Variants in PIP4K2A observed in about 807,000 individuals in gnomAD.
PIP4K2A encodes phosphatidylinositol-5-phosphate 4-kinase type 2 alpha, also known as phosphatidylinositol 5-phosphate 4-kinase type-2 alpha.
A neutral mutation model predicts 42.9 loss-of-function variants in PIP4K2A; 14 were observed. That is an observed-to-expected ratio of 0.33 (90% CI 0.22 to 0.51). PIP4K2A has a LOEUF of 0.51. Ranked by LOEUF, PIP4K2A falls within the 20% of genes least tolerant of loss-of-function variation. The pLI, the probability that PIP4K2A is intolerant of heterozygous loss-of-function variation, is 0.97. For synonymous variants in PIP4K2A, 192 were observed against 192.2 expected, an observed-to-expected ratio of 1.00 and a Z score of 0.01; for missense variants, 434 against 519.8, an observed-to-expected ratio of 0.83 and a Z score of 1.61.
At chr10:22,627,588 T>TAAAAAAA (rs1564448260) in intron 1 of PIP4K2A, among the ~76,000 whole-genome samples, 8 of 38,950 alleles carry the variant, frequency 2.1e-4, no homozygotes, top group Admixed American at 8.6e-4. Context: ...AGCTAATATG[T>TAAAAAAA]AATAAAAAAA....
At chr10:22,625,214 A>C (rs942712629) in intron 1 of PIP4K2A, among the ~76,000 whole-genome samples, 1 of 152,260 alleles carries the variant, frequency 6.6e-6, no homozygotes, top group East Asian at 1.9e-4. Flanking sequence ...TGACAATCAA[A>C]ATATGCTAAA....
intron 4 of PIP4K2A, among the ~76,000 whole-genome samples, chr10:22,583,677 C>T (rs928307316): frequency 5.9e-5 from 9 of 152,156 alleles, no homozygotes; most frequent in Admixed American, 1.3e-4. Flanking sequence ...AAAGAGCTTC[C>T]GTAAATTAGG....
chr10:22,655,619 G>T (rs1411436878), intron 1 of PIP4K2A, among the ~76,000 whole-genome samples: 1 of 152,152 alleles, frequency 6.6e-6, no homozygotes, highest in Non-Finnish European at 1.5e-5. Flanking sequence ...AACTCATCCT[G>T]TAAACAATTC....
intron 1 of PIP4K2A, among the ~76,000 whole-genome samples, chr10:22,640,558 G>A (rs2130790825): frequency 6.6e-6 from 1 of 152,316 alleles, no homozygotes; most frequent in African/African-American, 2.4e-5. Context: ...CTGATGCTGT[G>A]TAGCAGGGTG....
Position 22,609,597 on chromosome 10 carries a change from T to A in PIP4K2A, c.242+23A>T, listed in dbSNP as rs200577568. 639 of 1,339,148 alleles carry A rather than the reference T, an allele frequency of 4.8e-4. 2 individuals carry two copies. The highest frequency in any genetic ancestry group is 2.5e-3 in the Middle Eastern group (12 of 4,726). The allele number at this position is 1,339,148 out of a possible 1,614,324, so 83.0% of individuals were successfully genotyped here. A position where few individuals can be genotyped will look rare whatever the true frequency, so the allele number is the denominator to read the frequency against. On this transcript the variant is annotated intron_variant, in intron 2 of 9. Transcript: ENST00000376573. ...ACTCCTAGCAGCCACGCTAGTCTTA[T>A]GAAAGGTCATACTTGTACTTACTTG...
chr10:22,584,607 A>C (rs528189151), intron 4 of PIP4K2A, among the ~76,000 whole-genome samples: 1 of 152,274 alleles, frequency 6.6e-6, no homozygotes, highest in Non-Finnish European at 1.5e-5. Flanking sequence ...CCATGAAACT[A>C]GGAGGAAATG....
chr10:22,608,250 T>C (rs1226616386), intron 2 of PIP4K2A, among the ~76,000 whole-genome samples: 1 of 152,202 alleles, frequency 6.6e-6, no homozygotes, highest in Non-Finnish European at 1.5e-5. Flanking sequence ...TTGGACTATG[T>C]GACCTCTTTA....
intron 1 of PIP4K2A, among the ~76,000 whole-genome samples, chr10:22,702,231 C>G (rs907419729): frequency 6.6e-6 from 1 of 152,182 alleles, no homozygotes; most frequent in Non-Finnish European, 1.5e-5. Context: ...TGAAGAAGAA[C>G]CAGCAGAAAC....
chr10:22,541,987 T>C lies in PIP4K2A; in HGVS notation c.853A>G (p.Arg285Gly). 1.9e-6 allele frequency: 3 copies of C among 1,613,962 alleles called. No homozygotes were observed. The highest frequency in any genetic ancestry group is 8.5e-7 in the Non-Finnish European group (1 of 1,179,948). The change falls in exon 8 of 10, where the codon AGA becomes GGA. Residue 285 changes from arginine to glycine, a missense_variant. By Grantham distance (125) the Arg-to-Gly change is moderately radical. This residue lies in a region of PIP4K2A where 395 missense variants were observed against 444.5 expected (regional missense o/e 0.89). Transcript: ENST00000376573. ...SLLVGIHDVERAEQEEVECEE... is the reference protein window; with the variant it reads ...SLLVGIHDVEGAEQEEVECEE... ...CACTCCACTTCCTCCTGTTCGGCTCTCTCCACATCATGAATTCCCACCAGC... is the reference window on the plus strand; with the variant it reads ...CACTCCACTTCCTCCTGTTCGGCTCCCTCCACATCATGAATTCCCACCAGC...
At chr10:22,539,475 A>C (rs1009065379) in intron 9 of PIP4K2A, 3 of 153,188 alleles carry the variant, frequency 2.0e-5, no homozygotes, top group African/African-American at 7.2e-5. Context: ...CTGTGAGAAA[A>C]GAAATATTAA....
In PIP4K2A at chr10:22,573,375, T is replaced by C; in HGVS notation, c.575A>G (p.Tyr192Cys). ...GAATACATTTCTTGTAACTATCACA[T>C]ATATTTCAACTCCATCAACATTAAG... ...YRLNVDGVEI[Y>C]VIVTRNVFSH... The change falls in exon 5 of 10, where the codon TAT becomes TGT. Residue 192 changes from tyrosine to cysteine, a missense_variant. Transcript: ENST00000376573. 1 of 1,613,524 alleles carries C rather than the reference T, an allele frequency of 6.2e-7. No individual in the cohort carries two copies. Among genetic ancestry groups the C allele is most frequent in the Non-Finnish European group, 8.5e-7 (1 of 1,179,424 alleles).
At chr10:22,626,837 G>A (rs1251761262) in intron 1 of PIP4K2A, among the ~76,000 whole-genome samples, 1 of 152,046 alleles carries the variant, frequency 6.6e-6, no homozygotes. Flanking sequence ...AAAATAACAA[G>A]TACTTTCTTT....
At chr10:22,567,705 A>G (rs980227613) in intron 6 of PIP4K2A, 146 bp downstream of exon 6, 2 of 786,878 alleles carry the variant, frequency 2.5e-6, no homozygotes, top group Non-Finnish European at 4.7e-6. Context: ...TCGGGTCAAT[A>G]CAGTGTTTCT....
At chr10:22,553,917 C>T (rs1836472374) in intron 6 of PIP4K2A, among the ~76,000 whole-genome samples, 1 of 150,932 alleles carries the variant, frequency 6.6e-6, no homozygotes, top group African/African-American at 2.4e-5. Flanking sequence ...AGGAGGTTCA[C>T]TGGAGCCCAG....
rs149119129 is a variant in PIP4K2A, at chr10:22,611,850, G to A, written c.145-2133C>T. 1.8e-3 allele frequency among the ~76,000 whole-genome samples: 274 copies of A among 152,322 alleles called. 1 individual carries two copies. Among genetic ancestry groups the A allele is most frequent in the African/African-American group, 6.3e-3 (263 of 41,578 alleles). ...TGGATGCCAACTCAATCAGCACTTC[G>A]ATATCTTGTGGAACAAGAGAAAGCG... On this transcript the variant is annotated intron_variant, in intron 1 of 9. Transcript: ENST00000376573.
Position 22,577,165 on chromosome 10 carries a change from T to C in PIP4K2A, c.493-3708A>G, listed in dbSNP as rs74521694. Among the ~76,000 whole-genome samples the C allele has an allele frequency of 3.4e-4, 52 of 151,282 alleles. No individual in the cohort carries two copies. The East Asian group carries it at 9.9e-3, about 29-fold the overall frequency. On this transcript the variant is annotated intron_variant, in intron 4 of 9. Coordinates refer to ENST00000376573, the MANE Select transcript of PIP4K2A (RefSeq NM_005028.5). The stretch of plus-strand genomic sequence containing the variant: ...ATCATATGCCTGGTACCATGAGCGG[T>C]GCTGACTTTGCATCAGGGAGCAGAG...
intron 6 of PIP4K2A, among the ~76,000 whole-genome samples, chr10:22,552,765 G>A (rs1217631429): frequency 6.6e-6 from 1 of 152,150 alleles, no homozygotes; most frequent in East Asian, 1.9e-4. Context: ...GACACCTTGG[G>A]CATTTCTGTG....
intron 1 of PIP4K2A, among the ~76,000 whole-genome samples, chr10:22,627,548 T>C (rs1240208463): frequency 8.6e-6 from 1 of 116,702 alleles, no homozygotes. Context: ...AAAGAAATAC[T>C]GAAAATAGAC....
chr10:22,555,787 G>A (rs1321263578), intron 6 of PIP4K2A, among the ~76,000 whole-genome samples: 1 of 151,852 alleles, frequency 6.6e-6, no homozygotes, highest in African/African-American at 2.4e-5. Context: ...TATGATGTCG[G>A]TAATCTAAAC....
Sources: allele counts gnomAD v4.1 joint callset (sites outside exome capture counted in the v4.1 genomes callset), GRCh38; gene constraint gnomAD v4.1.1; regional missense constraint gnomAD v4.1.1; transcripts MANE v1.5; gene names NCBI Gene and HGNC (gene_info 2026-07-23, HGNC 2026-07-21).